Variants in SIGLEC1 observed in about 807,000 individuals in gnomAD.
SIGLEC1 encodes the protein sialic acid binding Ig like lectin 1, also known as sialoadhesin.
SIGLEC1 carries 132 observed loss-of-function variants against 148.0 expected under a neutral mutation model. That is an observed-to-expected ratio of 0.89 (90% CI 0.77 to 1.03). The LOEUF is 1.03. Among genes scored for constraint, SIGLEC1 ranks in the 50% least tolerant of loss-of-function variants. The probability of loss-of-function intolerance (pLI) is 0.00; values close to 1 mark genes in which losing one functional copy is unlikely to be tolerated. For missense variants in SIGLEC1, 2,253 were observed against 2,271.4 expected (o/e 0.99, Z 0.16); for synonymous variants, 945 against 969.0 (o/e 0.98, Z 0.46).
intron 7 of SIGLEC1, among the ~76,000 whole-genome samples, chr20:3,701,061 G>C: frequency 6.6e-6 from 1 of 152,134 alleles, no homozygotes; most frequent in South Asian, 2.1e-4. Flanking sequence ...CCTGCTCCCA[G>C]AGTTTCATAA....
intron 4 of SIGLEC1, among the ~76,000 whole-genome samples, chr20:3,704,473 C>A (rs2087878175): frequency 6.6e-6 from 1 of 152,200 alleles, no homozygotes; most frequent in Admixed American, 6.5e-5. Flanking sequence ...GGTAAGGGAC[C>A]AACTACCTAG....
intron 6 of SIGLEC1, 148 bp downstream of exon 6, chr20:3,703,049 G>C: frequency 1.2e-6 from 1 of 821,640 alleles, no homozygotes; most frequent in Non-Finnish European, 1.9e-6. Context: ...GCATTGCCCA[G>C]GTGTGCAGAG....
In SIGLEC1 at chr20:3,705,962, G is replaced by T. The variant is rs757847416; in HGVS notation, c.488C>A (p.Pro163His). ...GTEVDFNCSTPYVCLQEQVRL... is the reference protein window; with the variant it reads ...GTEVDFNCSTHYVCLQEQVRL... ...GACCTGCTCCTGCAGGCATACGTAG[G>T]GAGTGGAGCAGTTGAAGTCCACCTC... Residue 163 changes from proline (P) to histidine (H), a missense_variant, in exon 4 of 22, where the codon CCC becomes CAC. Coordinates refer to ENST00000344754, the MANE Select transcript of SIGLEC1 (RefSeq NM_023068.4). The T allele has an allele frequency of 2.5e-6, 4 of 1,614,094 alleles. No homozygotes were observed. The South Asian group carries it at 4.4e-5, about 18-fold the overall frequency.
At chr20:3,711,243 G>A (rs1170112548) in intron 1 of SIGLEC1, among the ~76,000 whole-genome samples, 1 of 152,178 alleles carries the variant, frequency 6.6e-6, no homozygotes, top group African/African-American at 2.4e-5. Context: ...CCAAGTCTTG[G>A]GTGCTCTGAA....
intron 6 of SIGLEC1, among the ~76,000 whole-genome samples, chr20:3,702,079 C>T (rs2087856625): frequency 6.6e-6 from 1 of 152,054 alleles, no homozygotes; most frequent in East Asian, 1.9e-4. Context: ...GAGGGACCTC[C>T]TCAGAACAGC....
intron 14 of SIGLEC1, 87 bp from the exon 15 acceptor site, chr20:3,693,218 C>A: frequency 7.0e-7 from 1 of 1,418,742 alleles, no homozygotes; most frequent in Non-Finnish European, 9.4e-7. Context: ...TCAGGAGGGC[C>A]CTGGCTCCCC....
At chr20:3,694,946 G>A (rs781762426) in intron 11 of SIGLEC1, 23 bp from the exon 12 acceptor site, 1 of 1,599,410 alleles carries the variant, frequency 6.3e-7, no homozygotes, top group Non-Finnish European at 8.5e-7. Context: ...ACCAAGAGCA[G>A]GTGAGGGCTC....
chr20:3,691,865 G>A (rs2088767469), intron 17 of SIGLEC1, 38 bp downstream of exon 17: 2 of 1,539,398 alleles, frequency 1.3e-6, no homozygotes, highest in African/African-American at 1.4e-5. Flanking sequence ...GGACCTGAGA[G>A]CATCAGAGCC....
Position 3,704,109 on chromosome 20 carries a change from G to A in SIGLEC1, c.707-18C>T, listed in dbSNP as rs765105409. 2.5e-6 allele frequency: 4 copies of A among 1,605,150 alleles called. No individual in the cohort carries two copies. The highest frequency in any genetic ancestry group is 3.4e-6 in the Non-Finnish European group (4 of 1,175,202). ...GGGGGCATCTGCAAGTCACAGTAGG[G>A]GGTATTGGGTAAGGTGCTTGGGGAG... On this transcript the variant is annotated intron_variant, in intron 4 of 21. Transcript: ENST00000344754.
In SIGLEC1 at chr20:3,692,027, G is replaced by T. The variant is rs1335846620; in HGVS notation, c.4206C>A (p.Val1402=). 6.2e-7 allele frequency: 1 copy of T among 1,613,216 alleles called. No homozygotes were observed. Among genetic ancestry groups the T allele is most frequent in the Non-Finnish European group, 8.5e-7 (1 of 1,179,838 alleles). ...GCCGTAGGGCGTTTCGGGCCACCTG[G>T]ACATGGCCTGTCCCTGATGCCAAGC... The part of the protein sequence containing the change: ...VHSLASGTGH[V]QVARNALRLQ... The change falls in exon 17 of 22, where the codon GTC becomes GTA. Residue 1402 remains valine, a synonymous_variant. Coordinates refer to ENST00000344754, the MANE Select transcript of SIGLEC1 (RefSeq NM_023068.4).
At chr20:3,706,975 G>T in intron 2 of SIGLEC1, 105 bp downstream of exon 2, 2 of 1,309,388 alleles carry the variant, frequency 1.5e-6, no homozygotes, top group Non-Finnish European at 2.2e-6. Context: ...GCCCTCCCTT[G>T]ACCTCAGCAA....
intron 17 of SIGLEC1, 29 bp from the exon 18 acceptor site, chr20:3,691,629 G>A: frequency 6.2e-7 from 1 of 1,602,848 alleles, no homozygotes; most frequent in Non-Finnish European, 8.5e-7. Flanking sequence ...GAGATGATTG[G>A]GGATCTGTAG....
At chr20:3,704,243 G>A in intron 4 of SIGLEC1, 152 bp from the exon 5 acceptor site, 2 of 722,512 alleles carry the variant, frequency 2.8e-6, no homozygotes, top group South Asian at 1.8e-5. Context: ...GGCATGCTCT[G>A]TCTGCCCATG....
At position 3,709,956 on chromosome 20, in the gene SIGLEC1, AG is replaced by A. The variant is rs562080428; in HGVS notation, c.-110+2513del. Among the ~76,000 whole-genome samples the A allele has an allele frequency of 1.5e-3, 231 of 152,332 alleles. 1 individual carries two copies. Among genetic ancestry groups the A allele is most frequent in the African/African-American group, 5.2e-3 (215 of 41,568 alleles). ...TGCTGAGTCTCTCAGATAATGAAAA[AG>A]TTCTGGAAATAGTGGTGATGGTTAC... On this transcript the variant is annotated intron_variant, in intron 1 of 21. Transcript: ENST00000344754.
intron 7 of SIGLEC1, among the ~76,000 whole-genome samples, chr20:3,701,022 G>A (rs1054688632): frequency 2.6e-5 from 4 of 152,040 alleles, no homozygotes; most frequent in African/African-American, 4.8e-5. Context: ...TTTCTATTTG[G>A]CTTCCCACAT....
At position 3,689,678 on chromosome 20, in the gene SIGLEC1, TG is replaced by T; in HGVS notation, c.4918del (p.Gln1640SerfsTer87). 6.3e-7 allele frequency: 1 copy of T among 1,585,292 alleles called. No homozygotes were observed. The highest frequency in any genetic ancestry group is 1.2e-5 in the South Asian group (1 of 86,794). ...VRALHRLHQF[Q>X]QLLWVLGLLV... is the part of the protein sequence containing the mutation. ...CAGTCCCAGGACCCAGAGCAGCTGC[TG>T]GAACTGATGCAGGCGGTGCAGGGCT... is the stretch of plus-strand genomic sequence containing the variant. On this transcript the variant is annotated frameshift_variant, in exon 20 of 22. Transcript: ENST00000344754. LOFTEE classifies it high-confidence loss of function.
In SIGLEC1 at chr20:3,703,197, G is replaced by C. The variant is rs759568023; in HGVS notation, c.1228C>G (p.His410Asp). The C allele has an allele frequency of 4.3e-6, 7 of 1,613,696 alleles. No individual in the cohort carries two copies. The change falls in exon 6 of 22, where the codon CAC becomes GAC. Residue 410 changes from histidine to aspartate, a missense_variant and splice_region_variant. Transcript: ENST00000344754. ...GTGCCACCCCACCCTGGCCTCTTACGGTTGACTACCACGCTGACAGGGCCC... is the reference window on the plus strand; with the variant it reads ...GTGCCACCCCACCCTGGCCTCTTACCGTTGACTACCACGCTGACAGGGCCC... ...RSGPVSVVVN[H>D]PPLTPVLTAF...
intron 11 of SIGLEC1, 100 bp downstream of exon 11, chr20:3,696,485 AC>A: frequency 1.6e-6 from 2 of 1,213,502 alleles, no homozygotes; most frequent in Non-Finnish European, 2.3e-6. Context: ...ACTGAAAAAG[AC>A]ATATTTCTGC....
At chr20:3,697,476 T>C (rs1170033134) in intron 9 of SIGLEC1, 134 bp from the exon 10 acceptor site, 4 of 1,110,704 alleles carry the variant, frequency 3.6e-6, no homozygotes, top group Non-Finnish European at 5.1e-6. Flanking sequence ...GCAAGCTAGC[T>C]CACAGGGCAG....
Sources: gnomAD v4.1 joint callset for allele counts (sites outside exome capture counted in the v4.1 genomes callset) on GRCh38, gnomAD v4.1.1 for gene constraint, MANE v1.5 for transcripts, NCBI Gene and HGNC (gene_info 2026-07-23, HGNC 2026-07-21) for gene names.